DAGLA: variants seen among roughly 807,000 people sequenced by gnomAD.
The protein encoded by DAGLA is diacylglycerol lipase alpha, also known as diacylglycerol lipase-alpha.
A neutral mutation model predicts 102.6 loss-of-function variants in DAGLA; 22 were observed. That is an observed-to-expected ratio of 0.21 (90% CI 0.15 to 0.31). DAGLA has a LOEUF of 0.31. Among genes scored for constraint, DAGLA ranks in the 10% least tolerant of loss-of-function variants. DAGLA has a pLI of 1.00. For missense variants in DAGLA, 927 were observed against 1,446.6 expected (o/e 0.64, Z 5.83); for synonymous variants, 578 against 628.9 (o/e 0.92, Z 1.21).
chr11:61,737,116 G>T, intron 13 of DAGLA, 66 bp from the exon 14 acceptor site: 1 of 1,603,162 alleles, frequency 6.2e-7, no homozygotes. Context: ...TGCCTCCCTT[G>T]GGTTGGCTAA....
chr11:61,736,208 G>A (rs2065421998), intron 12 of DAGLA, 62 bp from the exon 13 acceptor site: 1 of 1,406,056 alleles, frequency 7.1e-7, no homozygotes, highest in Admixed American at 1.7e-5. Flanking sequence ...GCAGGTCACT[G>A]TGGGTTTGCT....
At chr11:61,681,705 G>A (rs187220052) in intron 1 of DAGLA, among the ~76,000 whole-genome samples, 3 of 152,158 alleles carry the variant, frequency 2.0e-5, no homozygotes, top group African/African-American at 7.2e-5. Flanking sequence ...TGGGGCCACC[G>A]GGACTCCCAC....
intron 1 of DAGLA, among the ~76,000 whole-genome samples, chr11:61,692,341 C>T (rs894124636): frequency 6.6e-6 from 1 of 152,112 alleles, no homozygotes; most frequent in Non-Finnish European, 1.5e-5. Context: ...CAGTCCTGGC[C>T]AGGACTCATC....
chr11:61,737,644 C>A, intron 14 of DAGLA, 43 bp from the exon 15 acceptor site: 1 of 1,576,540 alleles, frequency 6.3e-7, no homozygotes, highest in Non-Finnish European at 8.7e-7. Flanking sequence ...ACACCACCAC[C>A]CCGCCCCCTT....
intron 1 of DAGLA, among the ~76,000 whole-genome samples, chr11:61,682,884 A>G (rs1337898927): frequency 2.0e-5 from 3 of 151,712 alleles, no homozygotes; most frequent in Admixed American, 2.0e-4. Flanking sequence ...GCCCTCAGAC[A>G]CATAGGGGAA....
chr11:61,707,683 G>T (rs1158569888), intron 1 of DAGLA, among the ~76,000 whole-genome samples: 1 of 152,254 alleles, frequency 6.6e-6, no homozygotes, highest in Non-Finnish European at 1.5e-5. Context: ...GGCCTCGCAG[G>T]CTGTGGAGGC....
chr11:61,708,503 C>G (rs761267049), intron 1 of DAGLA, among the ~76,000 whole-genome samples: 26 of 152,098 alleles, frequency 1.7e-4, no homozygotes, highest in Non-Finnish European at 3.2e-4. Flanking sequence ...GCCTCAGCCT[C>G]TCGAGTAGCT....
intron 1 of DAGLA, among the ~76,000 whole-genome samples, chr11:61,681,980 C>G (rs1003492530): frequency 6.6e-6 from 1 of 152,064 alleles, no homozygotes; most frequent in Non-Finnish European, 1.5e-5. Context: ...GTAGAAGAAT[C>G]ACAGGGTTGA....
At chr11:61,715,473 C>A (rs753346272) in intron 1 of DAGLA, among the ~76,000 whole-genome samples, 3 of 152,238 alleles carry the variant, frequency 2.0e-5, no homozygotes, top group African/African-American at 7.2e-5. Flanking sequence ...CCCCCCATCC[C>A]CCTGGGAGCT....
At chr11:61,720,381 AG>A (rs2065271711) in intron 2 of DAGLA, 131 bp downstream of exon 2, 3 of 893,596 alleles carry the variant, frequency 3.4e-6, no homozygotes, top group Non-Finnish European at 5.3e-6. Flanking sequence ...TGCCCGGAGG[AG>A]GTGCCTGAAA....
At chr11:61,714,971 T>C (rs534002689) in intron 1 of DAGLA, among the ~76,000 whole-genome samples, 1 of 152,320 alleles carries the variant, frequency 6.6e-6, no homozygotes, top group East Asian at 1.9e-4. Context: ...AGGCGCTGTT[T>C]GAAGTGTTGA....
intron 14 of DAGLA, 46 bp downstream of exon 14, chr11:61,737,370 G>A: frequency 3.7e-6 from 6 of 1,603,670 alleles, no homozygotes; most frequent in African/African-American, 1.3e-5. Flanking sequence ...GTTGGGACCA[G>A]TGGAGGCTGA....
At chr11:61,725,956 C>T (rs764064778) in intron 5 of DAGLA, 39 bp from the exon 6 acceptor site, 6 of 1,575,486 alleles carry the variant, frequency 3.8e-6, no homozygotes, top group Non-Finnish European at 5.2e-6. Context: ...TCTGGTCCAG[C>T]CCTCTGACCT....
In DAGLA at chr11:61,684,581, T is replaced by A. The variant is rs896846927; in HGVS notation, c.-45+4077T>A. Among the ~76,000 whole-genome samples the A allele has an allele frequency of 6.6e-6, 1 of 152,068 alleles. No individual in the cohort carries two copies. The highest frequency in any genetic ancestry group is 2.4e-5 in the African/African-American group (1 of 41,382). On this transcript the variant is annotated intron_variant, in intron 1 of 19. Transcript: ENST00000257215. This position sits in a 1 kb window ranked among gnomAD's most constrained non-coding sequence, Gnocchi z 4.5. ...GTCCAGGGAGATGCCGTGGAGGGGA[T>A]TGGTGTGACCACGGGTAAGGGTGTT...
intron 1 of DAGLA, among the ~76,000 whole-genome samples, chr11:61,712,190 G>A (rs1410817923): frequency 6.6e-6 from 1 of 152,132 alleles, no homozygotes; most frequent in African/African-American, 2.4e-5. Context: ...AGGGCACAGA[G>A]AGAACACAGC....
intron 18 of DAGLA, among the ~76,000 whole-genome samples, 197 bp downstream of exon 18, chr11:61,740,789 C>T (rs886401550): frequency 1.1e-4 from 16 of 152,302 alleles, no homozygotes; most frequent in Admixed American, 1.0e-3. Context: ...CACCACGTTG[C>T]CCCATGGTGG....
At chr11:61,723,394 C>T in intron 4 of DAGLA, 40 bp from the exon 5 acceptor site, 2 of 1,599,082 alleles carry the variant, frequency 1.3e-6, no homozygotes, top group African/African-American at 1.3e-5. Flanking sequence ...GAGAGGTGTC[C>T]CCAGCGCCCC....
intron 1 of DAGLA, among the ~76,000 whole-genome samples, chr11:61,713,659 C>T (rs1343856601): frequency 2.0e-5 from 3 of 152,242 alleles, no homozygotes; most frequent in Admixed American, 6.5e-5. Flanking sequence ...TCTGCCAGCC[C>T]AGCGAGGCCA....
Position 61,734,700 on chromosome 11 carries a change from C to A in DAGLA, c.975-149C>A. 1.5e-6 allele frequency: 1 copy of A among 680,830 alleles called. No homozygotes were observed. The allele number at this position is 680,830 out of a possible 1,614,324, so 42.2% of individuals were successfully genotyped here. ...TAAGAGTGGCCAGTGGATTTGGTGA[C>A]GTGGGGGTCACTAGGACTTAGCAAG... is the stretch of plus-strand genomic sequence containing the variant. On this transcript the variant is annotated intron_variant, in intron 9 of 19. Transcript: ENST00000257215. This position sits in a 1 kb window ranked among gnomAD's most constrained non-coding sequence, Gnocchi z 4.2.
Sources: gnomAD v4.1 joint callset for allele counts (sites outside exome capture counted in the v4.1 genomes callset) on GRCh38, gnomAD v4.1.1 for gene constraint, Gnocchi (gnomAD v3.1) non-coding constraint, MANE v1.5 for transcripts, NCBI Gene and HGNC (gene_info 2026-07-23, HGNC 2026-07-21) for gene names.